Variants in SLC25A33 observed in about 807,000 individuals in gnomAD.
The protein encoded by SLC25A33 is bone marrow stromal cell mitochondrial carrier protein.
SLC25A33 carries 15 observed loss-of-function variants against 35.5 expected under a neutral mutation model. The ratio of observed to expected loss-of-function variants is 0.42; its 90% CI spans 0.28 to 0.65. The LOEUF is 0.65. SLC25A33 is among the 30% of genes least tolerant of loss of function. The probability of loss-of-function intolerance (pLI) is 0.20; values close to 1 mark genes in which losing one functional copy is unlikely to be tolerated. For synonymous variants in SLC25A33, 136 were observed against 148.7 expected, an observed-to-expected ratio of 0.91 and a Z score of 0.62; for missense variants, 257 against 398.5, an observed-to-expected ratio of 0.64 and a Z score of 3.02.
chr1:9,552,274 G>A (rs1643276745), intron 1 of SLC25A33, among the ~76,000 whole-genome samples: 1 of 152,088 alleles, frequency 6.6e-6, no homozygotes, highest in East Asian at 1.9e-4. Context: ...GGAGTGCAGT[G>A]ACACAATCTT....
In SLC25A33 at chr1:9,572,034, G is replaced by A. The variant is rs138580264; in HGVS notation, c.416-1312G>A. Among the ~76,000 whole-genome samples, 230 of 152,232 alleles carry A rather than the reference G, an allele frequency of 1.5e-3. 5 individuals are homozygous for A. The South Asian group carries it at 0.03, about 20-fold the overall frequency. ...GATGTACACACCAGTTTTGTCTGCC[G>A]TTGTTACTCCAAATACAAGTATGAC... On this transcript the variant is annotated intron_variant, in intron 4 of 6. Coordinates refer to ENST00000302692, the MANE Select transcript of SLC25A33 (RefSeq NM_032315.3).
chr1:9,566,476 CCT>C (rs1553146908), intron 2 of SLC25A33, among the ~76,000 whole-genome samples: 12 of 152,188 alleles, frequency 7.9e-5, no homozygotes, highest in South Asian at 2.1e-4. Flanking sequence ...GAAATTATTC[CCT>C]GTGTGGCACC....
chr1:9,555,328 C>T (rs1412221843), intron 2 of SLC25A33, among the ~76,000 whole-genome samples: 1 of 151,820 alleles, frequency 6.6e-6, no homozygotes. Flanking sequence ...CCATGTTAGC[C>T]AGGATGGTCT....
chr1:9,568,758 G>A (rs963809831), intron 3 of SLC25A33, among the ~76,000 whole-genome samples: 1 of 152,110 alleles, frequency 6.6e-6, no homozygotes, highest in African/African-American at 2.4e-5. Context: ...GGCTAAGGCA[G>A]GAGAATGGCA....
intron 2 of SLC25A33, among the ~76,000 whole-genome samples, chr1:9,558,849 C>T (rs1171613367): frequency 6.6e-6 from 1 of 152,164 alleles, no homozygotes; most frequent in Non-Finnish European, 1.5e-5. Context: ...CAGCAGAGCA[C>T]CCAGAGAACC....
chr1:9,560,913 A>G (rs754150026), intron 2 of SLC25A33, among the ~76,000 whole-genome samples: 1 of 151,886 alleles, frequency 6.6e-6, no homozygotes, highest in Non-Finnish European at 1.5e-5. Flanking sequence ...AATATTTTCC[A>G]GCAAAGTTCT....
intron 6 of SLC25A33, among the ~76,000 whole-genome samples, 193 bp downstream of exon 6, chr1:9,580,427 C>A (rs897563846): frequency 6.6e-6 from 1 of 152,244 alleles, no homozygotes; most frequent in African/African-American, 2.4e-5. Flanking sequence ...TTACTCAAAT[C>A]CAGCTGATTA....
rs1643766147 is a variant in SLC25A33 at position 9,583,051 on chromosome 1, C to G, written c.*550C>G. 1 of 152,262 alleles carries G rather than the reference C, an allele frequency of 6.6e-6. No individual in the cohort carries two copies. The highest frequency in any genetic ancestry group is 2.4e-5 in the African/African-American group (1 of 41,420). 9.4% of individuals were successfully genotyped at this position (152,262 alleles called of 1,614,324 possible). A position where few individuals can be genotyped will look rare whatever the true frequency, so the allele number is the denominator to read the frequency against. On this transcript the variant is annotated 3_prime_UTR_variant, in exon 7 of 7. Transcript: ENST00000302692. ...ACCAGCCTGGCCAACATGGCGAAAC[C>G]CTGTCTCTACTAAAAATACAAAAAT...
intron 2 of SLC25A33, chr1:9,556,075 A>C: frequency 5.0e-6 from 2 of 399,260 alleles, no homozygotes; most frequent in Non-Finnish European, 6.8e-6. Context: ...ACAGAAGCAC[A>C]GAGATGTGGA....
intron 3 of SLC25A33, 129 bp downstream of exon 3, chr1:9,567,490 CAT>C: frequency 1.3e-6 from 1 of 742,360 alleles, no homozygotes; most frequent in Non-Finnish European, 2.2e-6. Context: ...ATATAGCGGA[CAT>C]AGCAAATAGT....
At chr1:9,556,360 G>A (rs1643341484) in intron 2 of SLC25A33, 2 of 595,660 alleles carry the variant, frequency 3.4e-6, no homozygotes, top group Non-Finnish European at 4.2e-6. Flanking sequence ...ACCCAAAAGT[G>A]TGGGTGTCAA....
chr1:9,579,103 A>G (rs112625810), intron 5 of SLC25A33, among the ~76,000 whole-genome samples: 270 of 152,344 alleles, frequency 1.8e-3, no homozygotes, highest in African/African-American at 5.5e-3. Flanking sequence ...GTACAAAGAT[A>G]TGTGGGAAAA....
chr1:9,552,111 C>CT (rs973096019), intron 1 of SLC25A33, among the ~76,000 whole-genome samples: 1 of 152,128 alleles, frequency 6.6e-6, no homozygotes, highest in African/African-American at 2.4e-5. Flanking sequence ...AAATGATTGG[C>CT]TTAGGGGAAC....
rs566210665 is a variant in SLC25A33, at chr1:9,565,617, G to A, written c.237-1667G>A. ...CAGTTGGCTGGGTGCATTGGCTCAC[G>A]CCTATAATCCCAGCACTTTGGGAGG... On this transcript the variant is annotated intron_variant, in intron 2 of 6. Transcript: ENST00000302692. 5.3e-5 allele frequency among the ~76,000 whole-genome samples: 8 copies of A among 152,074 alleles called. No individual in the cohort carries two copies. The South Asian group carries it at 6.2e-4, about 12-fold the overall frequency.
chr1:9,561,144 G>A (rs973304756), intron 2 of SLC25A33, among the ~76,000 whole-genome samples: 3 of 151,932 alleles, frequency 2.0e-5, no homozygotes, highest in African/African-American at 4.8e-5. Flanking sequence ...GGGTTTCAGC[G>A]GTATTAGCCA....
chr1:9,576,997 T>G, intron 5 of SLC25A33: 1 of 1,107,716 alleles, frequency 9.0e-7, no homozygotes, highest in Non-Finnish European at 1.3e-6. Context: ...ATCTAAGAGT[T>G]GTCCCGCTAC....
At position 9,548,446 on chromosome 1, in the gene SLC25A33, G is replaced by C. The variant is rs187006820; in HGVS notation, c.57-5180G>C. ...AAAATACAAAAATTATCTAGGTAGG[G>C]TGGCACACGCCTGTAATCCCAGGAA... On this transcript the variant is annotated intron_variant, in intron 1 of 6. Transcript: ENST00000302692. Among the ~76,000 whole-genome samples, 12 of 152,238 alleles carry C rather than the reference G, an allele frequency of 7.9e-5. No homozygotes were observed. The East Asian group carries it at 2.1e-3, about 27-fold the overall frequency.
chr1:9,559,578 C>G (rs1643391684), intron 2 of SLC25A33, among the ~76,000 whole-genome samples: 1 of 150,916 alleles, frequency 6.6e-6, no homozygotes, highest in Non-Finnish European at 1.5e-5. Context: ...TTACATAATT[C>G]TCATGTGAAG....
At chr1:9,576,840 A>G in intron 5 of SLC25A33, 1 of 1,232,632 alleles carries the variant, frequency 8.1e-7, no homozygotes, top group Non-Finnish European at 1.2e-6. Flanking sequence ...AGAAAGATGA[A>G]TTTAATCCTT....
Sources: gnomAD v4.1 joint callset for allele counts (sites outside exome capture counted in the v4.1 genomes callset) on GRCh38, gnomAD v4.1.1 for gene constraint, MANE v1.5 for transcripts, NCBI Gene and HGNC (gene_info 2026-07-23, HGNC 2026-07-21) for gene names.